The following PEAR1 variants were observed in gnomAD, a reference collection of about 807,000 sequenced individuals.
PEAR1 encodes the protein multiple EGF-like domains protein 12.
A neutral mutation model predicts 131.2 loss-of-function variants in PEAR1; 113 were observed. The ratio of observed to expected loss-of-function variants is 0.86; its 90% confidence interval spans 0.74 to 1.01. The LOEUF (loss-of-function observed/expected upper bound fraction) is 1.01, where lower values mean the gene tolerates loss of function less well. PEAR1 is among the 50% of genes least tolerant of loss of function. PEAR1 has a pLI of 0.00. For missense variants in PEAR1, 1,408 were observed against 1,391.1 expected, an observed-to-expected ratio of 1.01 and a Z score of -0.19; for synonymous variants, 565 against 523.3, an observed-to-expected ratio of 1.08 and a Z score of -1.09.
Position 156,908,715 on chromosome 1 carries a change from C to T in PEAR1, c.1176C>T (p.Asn392=), listed in dbSNP as rs754162587. 7.8e-6 allele frequency: 12 copies of T among 1,546,480 alleles called. No homozygotes were observed. The highest frequency in any genetic ancestry group is 1.9e-5 in the Admixed American group (1 of 51,508). The change falls in exon 10 of 23, where the codon AAC becomes AAT. Residue 392 remains asparagine, a synonymous_variant. Coordinates refer to ENST00000292357, the MANE Select transcript of PEAR1 (RefSeq NM_001080471.3). This position sits in a 1 kb window ranked among gnomAD's most constrained non-coding sequence, Gnocchi z 4.2. The part of the protein sequence containing the change: ...CLPGWAGLHC[N]ESCPQDTHGP... Reference sequence around the variant, plus strand: ...CGGGCTGGGCGGGCCTCCACTGCAACGAGAGCTGCCCGCAGGACACGCATG... The same window carrying T: ...CGGGCTGGGCGGGCCTCCACTGCAATGAGAGCTGCCCGCAGGACACGCATG...
chr1:156,906,561 G>T, intron 5 of PEAR1, 76 bp from the exon 6 acceptor site: 3 of 1,586,690 alleles, frequency 1.9e-6, no homozygotes, highest in Non-Finnish European at 2.6e-6. Flanking sequence ...GGAGACAGAG[G>T]CTGGGAGACA....
At position 156,893,740 on chromosome 1, in the gene PEAR1, T is replaced by G. The variant is rs4661071; in HGVS notation, c.-107T>G. 1 of 152,094 alleles carries G rather than the reference T, an allele frequency of 6.6e-6. No individual in the cohort carries two copies. Among genetic ancestry groups the G allele is most frequent in the African/African-American group, 2.4e-5 (1 of 41,376 alleles). The allele number at this position is 152,094 out of a possible 1,614,324, so 9.4% of individuals were successfully genotyped here. ...CCCGCAGTCAGGCTGGGGCTCGAAG[T>G]GGGGACCCTCGCCCCGTCCTCGGCT... On this transcript the variant is annotated 5_prime_UTR_variant, in exon 1 of 23. Transcript: ENST00000292357.
At position 156,913,532 on chromosome 1, in the gene PEAR1, C is replaced by A. The variant is rs375917334; in HGVS notation, c.2644+9C>A. On this transcript the variant is annotated intron_variant, in intron 20 of 22. Transcript: ENST00000292357. ...AGGGCCTCTGGACAGGGGTAGGTGC[C>A]GGGAGGCCAGGGTCTCTGGCGCGGG... The A allele has an allele frequency of 2.5e-6, 4 of 1,611,436 alleles. No homozygotes were observed. Among genetic ancestry groups the A allele is most frequent in the Non-Finnish European group, 3.4e-6 (4 of 1,179,784 alleles).
chr1:156,910,470 C>T, intron 14 of PEAR1, 90 bp downstream of exon 14: 2 of 1,539,256 alleles, frequency 1.3e-6, no homozygotes, highest in Non-Finnish European at 1.8e-6. Context: ...GCGCCCGCCG[C>T]CCACCTCTCC....
In PEAR1 at chr1:156,907,719, C is replaced by G; in HGVS notation, c.754C>G (p.Pro252Ala). ...CCCACAGGGCTCCTGCAGCTGCCCC[C>G]CTGGCTGGATGGTATGGAGGGTGGG... ...QTPQGSCSCPPGWMGTICSLP... is the reference protein window; with the variant it reads ...QTPQGSCSCPAGWMGTICSLP... The change falls in exon 7 of 23, where the codon CCT becomes GCT. Residue 252 changes from proline to alanine, a missense_variant. Pro to Ala is a conservative substitution (Grantham distance 27). Coordinates refer to ENST00000292357, the MANE Select transcript of PEAR1 (RefSeq NM_001080471.3). The G allele has an allele frequency of 6.2e-7, 1 of 1,609,960 alleles. No homozygotes were observed. The highest frequency in any genetic ancestry group is 1.7e-5 in the Admixed American group (1 of 59,644).
rs1299315192 is a variant in PEAR1 at position 156,914,061 on chromosome 1, G to A, written c.2923G>A (p.Asp975Asn). Residue 975 changes from aspartate (D) to asparagine (N), a missense_variant, in exon 22 of 23, where the codon GAC becomes AAC. Asp to Asn is a conservative substitution (Grantham distance 23, BLOSUM62 1). Transcript: ENST00000292357. ...GCGGCGGCAACCCCAGCCACAGAGA[G>A]ACAGTGGCACCTACGAGCAGCCCAG... ...QRRRQPQPQR[D>N]SGTYEQPSPL... The A allele has an allele frequency of 6.2e-7, 1 of 1,607,578 alleles. No homozygotes were observed. The highest frequency in any genetic ancestry group is 1.3e-5 in the African/African-American group (1 of 74,744).
intron 20 of PEAR1, 53 bp from the exon 21 acceptor site, chr1:156,913,639 T>C: frequency 1.3e-6 from 2 of 1,598,290 alleles, no homozygotes; most frequent in Non-Finnish European, 8.5e-7. Flanking sequence ...AGAGGAAGTG[T>C]GAGCCGGGGG....
rs1468140665 is a variant in PEAR1, at chr1:156,908,781, C to T, written c.1242C>T (p.Gly414=). The part of the protein sequence containing the change: ...CQEHCLCLHG[G]VCQATSGLCQ... Reference sequence around the variant, plus strand: ...AGCACTGTCTCTGCCTGCACGGTGGCGTCTGCCAGGCTACCAGCGGCCTCT... The same window carrying T: ...AGCACTGTCTCTGCCTGCACGGTGGTGTCTGCCAGGCTACCAGCGGCCTCT... Residue 414 remains glycine, a synonymous_variant, in exon 10 of 23, where the codon GGC becomes GGT. Transcript: ENST00000292357. The surrounding 1 kb of genome is among the most constrained non-coding windows in gnomAD (Gnocchi z 4.2). 4.4e-6 allele frequency: 7 copies of T among 1,602,850 alleles called. No homozygotes were observed. The highest frequency in any genetic ancestry group is 1.3e-5 in the African/African-American group (1 of 74,774).
rs902215862 is a variant in PEAR1 at position 156,915,949 on chromosome 1, C to T, written c.*1151C>T. ...ACAGACTGAATAAGTTGGAGACTTC[C>T]CTAAAGGGTGGCATTTCCCCAGGGT... is the stretch of plus-strand genomic sequence containing the variant. On this transcript the variant is annotated 3_prime_UTR_variant, in exon 23 of 23. Transcript: ENST00000292357. 6.6e-6 allele frequency: 1 copy of T among 152,144 alleles called. No individual in the cohort carries two copies. The highest frequency in any genetic ancestry group is 2.4e-5 in the African/African-American group (1 of 41,414). 9.4% of individuals were successfully genotyped at this position (152,144 alleles called of 1,614,324 possible). A position where few individuals can be genotyped will look rare whatever the true frequency, so the allele number is the denominator to read the frequency against.
In PEAR1 at chr1:156,908,554, C is replaced by A; in HGVS notation, c.1116-101C>A. ...CGGAGCCTCCCTAGTGACCCCCTTA[C>A]CCCAGCGATGTGCGAATCCCACTGA... On this transcript the variant is annotated intron_variant, in intron 9 of 22. Transcript: ENST00000292357. This position sits in a 1 kb window ranked among gnomAD's most constrained non-coding sequence, Gnocchi z 4.2. 7.8e-7 allele frequency: 1 copy of A among 1,285,712 alleles called. No individual in the cohort carries two copies. The highest frequency in any genetic ancestry group is 1.0e-6 in the Non-Finnish European group (1 of 957,972). 79.6% of individuals were successfully genotyped at this position (1,285,712 alleles called of 1,614,324 possible).
intron 2 of PEAR1, among the ~76,000 whole-genome samples, chr1:156,904,254 C>T (rs558979418): frequency 6.6e-6 from 1 of 152,308 alleles, no homozygotes; most frequent in Admixed American, 6.5e-5. Flanking sequence ...ACCATCCTTT[C>T]TCTTTCCCCG....
Position 156,908,154 on chromosome 1 carries a change from G to A in PEAR1, c.929G>A (p.Arg310His). Residue 310 changes from arginine (R) to histidine (H), a missense_variant, in exon 9 of 23, where the codon CGC becomes CAC. Coordinates refer to ENST00000292357, the MANE Select transcript of PEAR1 (RefSeq NM_001080471.3). This position sits in a 1 kb window ranked among gnomAD's most constrained non-coding sequence, Gnocchi z 4.2. Reference sequence around the variant, plus strand: ...TGCCGGGAGGAGTGCCCGGTGGGCCGCTTTGGGCAGGACTGTGCTGAGACG... The same window carrying A: ...TGCCGGGAGGAGTGCCCGGTGGGCCACTTTGGGCAGGACTGTGCTGAGACG... ...DRCREECPVG[R>H]FGQDCAETCD... 1 of 1,599,362 alleles carries A rather than the reference G, an allele frequency of 6.3e-7. No individual in the cohort carries two copies. Among genetic ancestry groups the A allele is most frequent in the Non-Finnish European group, 8.5e-7 (1 of 1,174,984 alleles).
rs1483782857 is a variant in PEAR1, at chr1:156,902,531, C to G, written c.-9-1387C>G. Among the ~76,000 whole-genome samples, 7 of 151,950 alleles carry G rather than the reference C, an allele frequency of 4.6e-5. No individual in the cohort carries two copies. The highest frequency in any genetic ancestry group is 1.7e-4 in the African/African-American group (7 of 41,352). ...GATGGGGTTAATTTAGGAGCCTAGA[C>G]CTGGAGGGAAGGAGCGGCTGCCCTT... On this transcript the variant is annotated intron_variant, in intron 1 of 22. Transcript: ENST00000292357. The surrounding 1 kb of genome is among the most constrained non-coding windows in gnomAD (Gnocchi z 4.3).
chr1:156,912,650 C>G (rs1239386731), intron 17 of PEAR1, 28 bp downstream of exon 17: 1 of 1,609,774 alleles, frequency 6.2e-7, no homozygotes, highest in Non-Finnish European at 8.5e-7. Flanking sequence ...TCCTTCCCAC[C>G]CATTGTCCCC....
chr1:156,906,474 G>C, intron 5 of PEAR1, 106 bp downstream of exon 5: 1 of 1,532,606 alleles, frequency 6.5e-7, no homozygotes, highest in Non-Finnish European at 8.9e-7. Context: ...ACCCCAGGGC[G>C]ATTACCCGCC....
chr1:156,914,695 C>G lies in PEAR1; in HGVS notation c.3011C>G (p.Pro1004Arg). ...CCCCCTCTGCCTCCGGGCCTACCCC[C>G]CGGCCACTATGACTCACCCAAGAAC... ...SQPPLPPGLPPGHYDSPKNSH... is the reference protein window; with the variant it reads ...SQPPLPPGLPRGHYDSPKNSH... Residue 1004 changes from proline (P) to arginine (R), a missense_variant, in exon 23 of 23, where the codon CCC becomes CGC. By Grantham distance (103) the Pro-to-Arg change is moderately radical. Transcript: ENST00000292357. 2 of 1,614,004 alleles carry G rather than the reference C, an allele frequency of 1.2e-6. No individual in the cohort carries two copies. Among genetic ancestry groups the G allele is most frequent in the Non-Finnish European group, 1.7e-6 (2 of 1,179,892 alleles).
chr1:156,900,338 C>T (rs1170620486), intron 1 of PEAR1, among the ~76,000 whole-genome samples: 1 of 151,884 alleles, frequency 6.6e-6, no homozygotes, highest in Non-Finnish European at 1.5e-5. Flanking sequence ...TTCTCCTGTC[C>T]AATCCCCTGG....
intron 3 of PEAR1, 178 bp from the exon 4 acceptor site, chr1:156,905,146 C>G: frequency 8.7e-7 from 1 of 1,152,462 alleles, no homozygotes; most frequent in South Asian, 1.5e-5. Context: ...CTCTGTCACC[C>G]AGGCTGGAGT....
chr1:156,904,177 C>A (rs896752742), intron 2 of PEAR1, 150 bp downstream of exon 2: 4 of 649,152 alleles, frequency 6.2e-6, no homozygotes, highest in Non-Finnish European at 1.1e-5. Flanking sequence ...TGTTTCTGCT[C>A]TCTCTACTCC....
Sources: gnomAD v4.1 joint callset for allele counts (sites outside exome capture counted in the v4.1 genomes callset) on GRCh38, gnomAD v4.1.1 for gene constraint, Gnocchi (gnomAD v3.1) non-coding constraint, MANE v1.5 for transcripts, NCBI Gene and HGNC (gene_info 2026-07-23, HGNC 2026-07-21) for gene names.